DAPK2: variants seen among roughly 807,000 people sequenced by gnomAD.
The protein encoded by DAPK2 is death associated protein kinase 2.
DAPK2 carries 35 observed loss-of-function variants against 44.1 expected under a neutral mutation model. That is an observed-to-expected ratio of 0.79 (90% CI 0.61 to 1.05). The LOEUF (loss-of-function observed/expected upper bound fraction) is 1.05, where lower values mean the gene tolerates loss of function less well. Ranked by LOEUF, DAPK2 falls within the 50% of genes least tolerant of loss-of-function variation. The pLI is 0.00. For missense variants in DAPK2, 453 were observed against 483.2 expected (o/e 0.94, Z 0.59); for synonymous variants, 174 against 182.6 (o/e 0.95, Z 0.38).
intron 3 of DAPK2, among the ~76,000 whole-genome samples, chr15:63,943,518 T>C (rs1483453150): frequency 1.3e-5 from 2 of 152,172 alleles, no homozygotes; most frequent in African/African-American, 2.4e-5. Flanking sequence ...GCCCCAAAGT[T>C]TGTGCTCCTA....
At chr15:63,952,333 A>C (rs1157335042) in intron 3 of DAPK2, among the ~76,000 whole-genome samples, 2 of 152,202 alleles carry the variant, frequency 1.3e-5, no homozygotes, top group Non-Finnish European at 2.9e-5. Flanking sequence ...AGGATGGTGA[A>C]AGTGTTCCGG....
intron 3 of DAPK2, chr15:63,942,288 C>T (rs2077329747): frequency 1.0e-6 from 1 of 983,960 alleles, no homozygotes; most frequent in Non-Finnish European, 1.2e-6. Flanking sequence ...CAGTGGCTCA[C>T]ACATGTAATC....
At position 63,912,242 on chromosome 15, in the gene DAPK2, C is replaced by G. The variant is rs2078816815; in HGVS notation, c.859-45G>C. 1.9e-6 allele frequency: 3 copies of G among 1,591,972 alleles called. No individual in the cohort carries two copies. Among genetic ancestry groups the G allele is most frequent in the Non-Finnish European group, 2.6e-6 (3 of 1,162,282 alleles). The stretch of plus-strand genomic sequence containing the variant: ...ATGGCAGCTGATGCTGGGCTTCAGA[C>G]AGCAGCCACCCTCCTCGCCGCAGAA... On this transcript the variant is annotated intron_variant, in intron 8 of 10. Transcript: ENST00000261891. This position sits in a 1 kb window ranked among gnomAD's most constrained non-coding sequence, Gnocchi z 4.4.
chr15:63,955,027 G>A (rs1022289605), intron 3 of DAPK2, among the ~76,000 whole-genome samples: 3 of 152,134 alleles, frequency 2.0e-5, no homozygotes, highest in African/African-American at 4.8e-5. Flanking sequence ...TACTGAATTC[G>A]TTTATCAGTT....
intron 1 of DAPK2, among the ~76,000 whole-genome samples, chr15:64,025,898 C>G (rs1308124010): frequency 1.3e-5 from 2 of 152,182 alleles, no homozygotes; most frequent in African/African-American, 4.8e-5. Context: ...AGTTAGCGTT[C>G]TCTATCATCA....
intron 3 of DAPK2, among the ~76,000 whole-genome samples, chr15:63,953,163 A>G (rs1391870726): frequency 7.1e-6 from 1 of 140,036 alleles, no homozygotes; most frequent in Admixed American, 7.4e-5. Flanking sequence ...CCCAAAGTCC[A>G]TTGTATCATT....
In DAPK2 at chr15:63,939,488, A is replaced by C. The variant is rs1227703919; in HGVS notation, c.454-127T>G. The C allele has an allele frequency of 4.8e-5, 39 of 806,120 alleles. No individual in the cohort carries two copies. Among genetic ancestry groups the C allele is most frequent in the Non-Finnish European group, 7.2e-5 (38 of 524,252 alleles). 49.9% of individuals were successfully genotyped at this position (806,120 alleles called of 1,614,324 possible). On this transcript the variant is annotated intron_variant, in intron 3 of 10. Transcript: ENST00000261891. The surrounding 1 kb of genome is among the most constrained non-coding windows in gnomAD (Gnocchi z 4.3). ...GGTGGGACTTGGTGTTCTTTTTAGG[A>C]GACTGAAACAGCATAAACTCTTCCT... is the stretch of plus-strand genomic sequence containing the variant.
chr15:64,033,977 G>A (rs1026593897), intron 1 of DAPK2, among the ~76,000 whole-genome samples: 1 of 151,362 alleles, frequency 6.6e-6, no homozygotes, highest in Admixed American at 6.6e-5. Context: ...GAGACTCAGC[G>A]AGAGGGCAGA....
chr15:63,968,166 G>C (rs749089015), intron 3 of DAPK2, among the ~76,000 whole-genome samples: 1 of 152,188 alleles, frequency 6.6e-6, no homozygotes, highest in Non-Finnish European at 1.5e-5. Context: ...TTCCAGCCAG[G>C]AGGCATGCAT....
chr15:64,004,771 G>A (rs16947670), intron 1 of DAPK2, among the ~76,000 whole-genome samples: 6,208 of 152,144 alleles, frequency 0.041, 426 homozygotes, highest in African/African-American at 0.14. Flanking sequence ...GTGCAGCACC[G>A]CTCCTGAGTC....
chr15:63,924,139 C>A (rs2079171054), intron 8 of DAPK2, among the ~76,000 whole-genome samples: 1 of 152,180 alleles, frequency 6.6e-6, no homozygotes, highest in Non-Finnish European at 1.5e-5. Context: ...CCTGCTGAGT[C>A]TCACCCTCTC....
intron 2 of DAPK2, among the ~76,000 whole-genome samples, chr15:63,982,852 T>C (rs2078561606): frequency 6.6e-6 from 1 of 152,204 alleles, no homozygotes. Context: ...AGCGTTGTTA[T>C]GAGGATTAAA....
At chr15:63,991,577 C>T (rs2078819971) in intron 1 of DAPK2, among the ~76,000 whole-genome samples, 1 of 127,734 alleles carries the variant, frequency 7.8e-6, no homozygotes, top group African/African-American at 2.7e-5. Flanking sequence ...TTTGGAGAGG[C>T]ATCCAGAGCC....
At chr15:63,964,467 C>T (rs2077995865) in intron 3 of DAPK2, among the ~76,000 whole-genome samples, 1 of 152,050 alleles carries the variant, frequency 6.6e-6, no homozygotes, top group African/African-American at 2.4e-5. Context: ...TGTTCTATAA[C>T]CTTCCTGTAC....
At chr15:64,040,665 C>A (rs1005747988), upstream of DAPK2, among the ~76,000 whole-genome samples, 1 of 152,082 alleles carries the variant, frequency 6.6e-6, no homozygotes, top group African/African-American at 2.4e-5. Context: ...AATCCCAGCA[C>A]TTTGGGAGGC....
intron 3 of DAPK2, among the ~76,000 whole-genome samples, chr15:63,949,435 T>C (rs1403343195): frequency 6.6e-6 from 1 of 152,200 alleles, no homozygotes; most frequent in African/African-American, 2.4e-5. Context: ...CCACCAGCAT[T>C]TGCCTTGGGC....
intron 1 of DAPK2, among the ~76,000 whole-genome samples, chr15:64,016,803 AGGGAAG>A (rs141666506): frequency 0.14 from 19,665 of 144,226 alleles, 1,662 homozygotes; most frequent in South Asian, 0.32. Context: ...GAAAGAAAGA[AGGGAAG>A]GGGAAGGGGA....
intron 8 of DAPK2, chr15:63,918,545 C>T (rs2078989500): frequency 6.6e-6 from 1 of 152,294 alleles, no homozygotes; most frequent in Non-Finnish European, 1.5e-5. Flanking sequence ...AGAAGCCGAC[C>T]TTTTATTTGC....
intron 1 of DAPK2, among the ~76,000 whole-genome samples, chr15:64,005,357 TG>T (rs2079197390): frequency 6.6e-6 from 1 of 151,106 alleles, no homozygotes; most frequent in Non-Finnish European, 1.5e-5. Context: ...ATCAAGGGTT[TG>T]GTAAGTTCAG....
Sources: allele counts gnomAD v4.1 joint callset (sites outside exome capture counted in the v4.1 genomes callset), GRCh38; gene constraint gnomAD v4.1.1; non-coding constraint Gnocchi (gnomAD v3.1); transcripts MANE v1.5; gene names NCBI Gene and HGNC (gene_info 2026-07-23, HGNC 2026-07-21).